Variants in ZDHHC13 observed in about 807,000 individuals in gnomAD.
ZDHHC13 encodes zDHHC palmitoyltransferase 13.
ZDHHC13 carries 85 observed loss-of-function variants against 86.0 expected under a neutral mutation model. The observed-to-expected ratio is 0.99, with a 90% CI of 0.83 to 1.18. The LOEUF (loss-of-function observed/expected upper bound fraction) is 1.18, where lower values mean the gene tolerates loss of function less well. ZDHHC13 is among the 50% of genes most tolerant of loss of function. The pLI, the probability that ZDHHC13 is intolerant of heterozygous loss-of-function variation, is 0.00. For missense variants in ZDHHC13, 711 were observed against 730.2 expected (o/e 0.97, Z 0.30); for synonymous variants, 263 against 246.4 (o/e 1.07, Z -0.63).
Position 19,117,278 on chromosome 11 carries a change from T to C in ZDHHC13, c.27+2T>C. The C allele has an allele frequency of 6.8e-7, 1 of 1,477,774 alleles. No individual in the cohort carries two copies. Among genetic ancestry groups the C allele is most frequent in the Non-Finnish European group, 9.0e-7 (1 of 1,113,320 alleles). 91.5% of individuals were successfully genotyped at this position (1,477,774 alleles called of 1,614,324 possible). On this transcript the variant is annotated splice_donor_variant, in intron 1 of 16. Transcript: ENST00000446113. LOFTEE classifies it high-confidence loss of function. This position sits in a 1 kb window ranked among gnomAD's most constrained non-coding sequence, Gnocchi z 4.2. ...GAGGGGCCGGGGCTGGGCTCGCAGG[T>C]GAGTGCGGCCGGGCGGTGGCTGTCC...
At chr11:19,146,800 T>C (rs1849479321) in intron 3 of ZDHHC13, among the ~76,000 whole-genome samples, 1 of 152,194 alleles carries the variant, frequency 6.6e-6, no homozygotes, top group African/African-American at 2.4e-5. Flanking sequence ...TTTAAACAGC[T>C]TAACATGTAA....
chr11:19,160,202 G>A (rs1356920003), intron 10 of ZDHHC13, among the ~76,000 whole-genome samples: 2 of 151,822 alleles, frequency 1.3e-5, no homozygotes, highest in Non-Finnish European at 2.9e-5. Flanking sequence ...TTATTTCTGA[G>A]CATTATCTCT....
chr11:19,172,668 A>G (rs577179528), intron 15 of ZDHHC13, 55 bp from the exon 16 acceptor site: 3 of 1,384,648 alleles, frequency 2.2e-6, no homozygotes, highest in Non-Finnish European at 2.9e-6. Context: ...ATATTGTTTT[A>G]TTTATCTAAA....
intron 4 of ZDHHC13, chr11:19,148,868 C>T (rs184761839): frequency 2.6e-4 from 46 of 177,028 alleles, no homozygotes; most frequent in Middle Eastern, 2.4e-3. Flanking sequence ...GCAGGAGAAC[C>T]GCTTGAACCT....
chr11:19,164,557 G>T (rs951492072), intron 12 of ZDHHC13, 194 bp downstream of exon 12: 2 of 596,834 alleles, frequency 3.4e-6, no homozygotes, highest in Admixed American at 3.1e-5. Context: ...TCTTGAAGTT[G>T]TCTCTGGTTA....
At chr11:19,137,152 G>A (rs1347222503) in intron 1 of ZDHHC13, among the ~76,000 whole-genome samples, 1 of 152,120 alleles carries the variant, frequency 6.6e-6, no homozygotes, top group Non-Finnish European at 1.5e-5. Context: ...ACCCATCAGT[G>A]TGCTGTATTC....
At chr11:19,133,386 T>TACACACAC in intron 1 of ZDHHC13, among the ~76,000 whole-genome samples, 1 of 149,602 alleles carries the variant, frequency 6.7e-6, no homozygotes, top group Non-Finnish European at 1.5e-5. Flanking sequence ...CACATATATA[T>TACACACAC]ACACACACAC....
rs1207101127 is a variant in ZDHHC13, at chr11:19,152,630, C to T, written c.819C>T (p.Ala273=). 2 of 1,613,064 alleles carry T rather than the reference C, an allele frequency of 1.2e-6. No homozygotes were observed. Among genetic ancestry groups the T allele is most frequent in the African/African-American group, 2.7e-5 (2 of 74,854 alleles). ...TTATTCATATGCTAAAAACAGAAGC[C>T]AAAATGAGAGCCAACCAAAAGTTCA... ...QLIIHMLKTE[A]KMRANQKFRL... The change falls in exon 8 of 17, where the codon GCC becomes GCT. Residue 273 remains alanine (A), a synonymous_variant. Transcript: ENST00000446113.
At position 19,141,579 on chromosome 11, in the gene ZDHHC13, A is replaced by G. The variant is rs116265903; in HGVS notation, c.28-1399A>G. Among the ~76,000 whole-genome samples the G allele has an allele frequency of 6.8e-3, 1,040 of 152,182 alleles. 9 individuals are homozygous for G. The highest frequency in any genetic ancestry group is 0.024 in the African/African-American group (981 of 41,522). The stretch of plus-strand genomic sequence containing the variant: ...TGATCATCTACCCATCTGCCCTAGA[A>G]GTGATAATGAACCCAAAAGGCTGTA... On this transcript the variant is annotated intron_variant, in intron 1 of 16. Transcript: ENST00000446113.
In ZDHHC13 at chr11:19,152,542, C is replaced by T. The variant is rs571927896; in HGVS notation, c.748-17C>T. On this transcript the variant is annotated splice_polypyrimidine_tract_variant and intron_variant, in intron 7 of 16. Transcript: ENST00000446113. ...ATTAAAAATACTTTTAAACTTTTTA[C>T]CCTACTCTTTTTTAAGGGAGAAACA... 135 of 1,581,910 alleles carry T rather than the reference C, an allele frequency of 8.5e-5. No homozygotes were observed. In the South Asian group the frequency reaches 8.8e-4, roughly 10 times the overall value.
chr11:19,149,925 G>A (rs1050862303), intron 5 of ZDHHC13, among the ~76,000 whole-genome samples: 2 of 152,238 alleles, frequency 1.3e-5, no homozygotes, highest in Non-Finnish European at 2.9e-5. Flanking sequence ...CACAAATGCT[G>A]TTGGAATGAT....
In ZDHHC13 at chr11:19,149,252, G is replaced by A; in HGVS notation, c.440G>A (p.Gly147Glu). 1 of 1,606,496 alleles carries A rather than the reference G, an allele frequency of 6.2e-7. No individual in the cohort carries two copies. ...QHGADPTLID[G>E]EGFSSIHLAV... ...GGTGCAGACCCCACTCTTATTGATGGAGAGGGATTCAGCAGCATCCACCTG... is the reference window on the plus strand; with the variant it reads ...GGTGCAGACCCCACTCTTATTGATGAAGAGGGATTCAGCAGCATCCACCTG... Residue 147 changes from glycine to glutamate, a missense_variant, in exon 5 of 17, where the codon GGA (glycine) becomes GAA (glutamate). By Grantham distance (98) the Gly-to-Glu change is moderately conservative. Coordinates refer to ENST00000446113, the MANE Select transcript of ZDHHC13 (RefSeq NM_019028.3).
In ZDHHC13 at chr11:19,172,121, G is replaced by T. The variant is rs559947287; in HGVS notation, c.1633-602G>T. The stretch of plus-strand genomic sequence containing the variant: ...AGAGTTTCGCTCTTTCACCCATGCT[G>T]GAGTGCAGTGGCGGGATCTCGGCTC... On this transcript the variant is annotated intron_variant, in intron 15 of 16. Transcript: ENST00000446113. Among the ~76,000 whole-genome samples the T allele has an allele frequency of 2.3e-3, 351 of 152,260 alleles. 4 individuals are homozygous for T. Among genetic ancestry groups the T allele is most frequent in the African/African-American group, 7.8e-3 (325 of 41,532 alleles).
intron 1 of ZDHHC13, among the ~76,000 whole-genome samples, chr11:19,120,566 A>T (rs79076512): frequency 0.043 from 6,587 of 152,298 alleles, 256 homozygotes; most frequent in East Asian, 0.21. Context: ...AGGAAGGGAC[A>T]TAGACCTTTA....
Position 19,152,224 on chromosome 11 carries a change from A to C in ZDHHC13, c.651A>C (p.Gln217His). 5 of 1,613,362 alleles carry C rather than the reference A, an allele frequency of 3.1e-6. No homozygotes were observed. The highest frequency in any genetic ancestry group is 3.4e-6 in the Non-Finnish European group (4 of 1,179,472). Reference sequence around the variant, plus strand: ...TCAATGTGGTTGATAAAATACACCAAAACACTCCACTTCACTGGGCAGTTG... The same window carrying C: ...TCAATGTGGTTGATAAAATACACCACAACACTCCACTTCACTGGGCAGTTG... Reference protein sequence around the residue: ...PSLNVVDKIHQNTPLHWAVAA... With the variant: ...PSLNVVDKIHHNTPLHWAVAA... Residue 217 changes from glutamine to histidine, a missense_variant, in exon 7 of 17, where the codon CAA becomes CAC. Coordinates refer to ENST00000446113, the MANE Select transcript of ZDHHC13 (RefSeq NM_019028.3).
chr11:19,143,089 G>A lies in ZDHHC13; in HGVS notation c.139G>A (p.Asp47Asn), dbSNP rs1266058826. Reference protein sequence around the residue: ...NAREALPLIEDSSNCDIVKAT... With the variant: ...NAREALPLIENSSNCDIVKAT... The stretch of plus-strand genomic sequence containing the variant: ...AAGAGAAGCTCTTCCTCTTATAGAG[G>A]ACTCTAGTAACTGTGACATTGTCAA... Residue 47 changes from aspartate to asparagine, a missense_variant, in exon 2 of 17, where the codon GAC becomes AAC. Asp to Asn is a conservative substitution (Grantham distance 23). Coordinates refer to ENST00000446113, the MANE Select transcript of ZDHHC13 (RefSeq NM_019028.3). 1 of 1,613,206 alleles carries A rather than the reference G, an allele frequency of 6.2e-7. No individual in the cohort carries two copies. The highest frequency in any genetic ancestry group is 1.1e-5 in the South Asian group (1 of 90,982).
At chr11:19,127,543 G>A (rs1398409735) in intron 1 of ZDHHC13, among the ~76,000 whole-genome samples, 1 of 152,100 alleles carries the variant, frequency 6.6e-6, no homozygotes. Flanking sequence ...ATCCAGGATG[G>A]TATGTCCTAG....
At chr11:19,141,265 C>G (rs1323480487) in intron 1 of ZDHHC13, among the ~76,000 whole-genome samples, 3 of 152,064 alleles carry the variant, frequency 2.0e-5, no homozygotes, top group African/African-American at 7.2e-5. Flanking sequence ...AAAGATATCA[C>G]TGTGATTAGG....
In ZDHHC13 at chr11:19,152,327, C is replaced by G; in HGVS notation, c.747+7C>G. The G allele has an allele frequency of 6.2e-7, 1 of 1,611,484 alleles. No individual in the cohort carries two copies. Among genetic ancestry groups the G allele is most frequent in the Non-Finnish European group, 8.5e-7 (1 of 1,178,778 alleles). Reference sequence around the variant, plus strand: ...GGATATCCAGAATGTTAAGGTATGGCCAGATATTTATCTCCCTTAGTTTAT... The same window carrying G: ...GGATATCCAGAATGTTAAGGTATGGGCAGATATTTATCTCCCTTAGTTTAT... On this transcript the variant is annotated splice_region_variant and intron_variant, in intron 7 of 16. Coordinates refer to ENST00000446113, the MANE Select transcript of ZDHHC13 (RefSeq NM_019028.3).
Sources: gnomAD v4.1 joint callset for allele counts (sites outside exome capture counted in the v4.1 genomes callset) on GRCh38, gnomAD v4.1.1 for gene constraint, Gnocchi (gnomAD v3.1) non-coding constraint, MANE v1.5 for transcripts, NCBI Gene and HGNC (gene_info 2026-07-23, HGNC 2026-07-21) for gene names.